PCDH11X: variants seen among roughly 807,000 people sequenced by gnomAD.
PCDH11X encodes the protein protocadherin 11 X-linked.
PCDH11X carries 18 observed loss-of-function variants against 53.3 expected under a neutral mutation model. The ratio of observed to expected loss-of-function variants is 0.34; its 90% CI spans 0.23 to 0.50. The LOEUF is 0.50. PCDH11X is among the 20% of genes least tolerant of loss of function. PCDH11X has a pLI of 0.98. For missense variants in PCDH11X, 570 were observed against 1,032.4 expected, an observed-to-expected ratio of 0.55 and a Z score of 6.14; for synonymous variants, 279 against 393.3, an observed-to-expected ratio of 0.71 and a Z score of 3.44.
intron 10 of PCDH11X, among the ~76,000 whole-genome samples, chrX:92,475,303 A>G (rs2073358984): frequency 9.1e-6 from 1 of 109,881 alleles, no homozygotes; most frequent in Non-Finnish European, 1.9e-5. Context: ...GCTCATTAAC[A>G]TTCTATTCTT....
At chrX:91,793,250 A>G (rs190700294) in intron 1 of PCDH11X, among the ~76,000 whole-genome samples, 1,129 of 108,219 alleles carry the variant, frequency 0.01, 19 homozygotes, top group African/African-American at 0.036. Flanking sequence ...GTCAGAGACA[A>G]TAATAGATCC....
intron 8 of PCDH11X, among the ~76,000 whole-genome samples, chrX:92,270,275 G>T (rs1053028633): frequency 9.1e-6 from 1 of 109,494 alleles, no homozygotes; most frequent in African/African-American, 3.3e-5. Flanking sequence ...CACCAAGCCC[G>T]GCTAGTTGTT....
chrX:92,036,148 C>G (rs1220405580), intron 6 of PCDH11X, among the ~76,000 whole-genome samples: 4 of 95,026 alleles, frequency 4.2e-5, no homozygotes, highest in Non-Finnish European at 8.2e-5. Context: ...CAGGATTGAT[C>G]TGTGATGTTT....
chrX:92,185,541 G>A (rs959778265), intron 6 of PCDH11X, among the ~76,000 whole-genome samples: 3 of 111,470 alleles, frequency 2.7e-5, no homozygotes, highest in Non-Finnish European at 5.7e-5. Flanking sequence ...CTTCTGCAAA[G>A]CAAAAGAAAC....
rs1449467117 is a variant in PCDH11X at position 92,619,907 on chromosome X, G to A, written c.*967G>A. 3 of 108,017 alleles carry A rather than the reference G, an allele frequency of 2.8e-5. No individual in the cohort carries two copies. The highest frequency in any genetic ancestry group is 5.8e-5 in the Non-Finnish European group (3 of 52,170). 8.9% of individuals were successfully genotyped at this position (108,017 alleles called of 1,213,427 possible). On this transcript the variant is annotated 3_prime_UTR_variant, in exon 11 of 11. Coordinates refer to ENST00000682573, the MANE Select transcript of PCDH11X (RefSeq NM_032968.5). Reference sequence around the variant, plus strand: ...ACTACTATTTTGTAGAGAAACTCAGGAAGATTTAAATGTTGATTTGACAGC... The same window carrying A: ...ACTACTATTTTGTAGAGAAACTCAGAAAGATTTAAATGTTGATTTGACAGC...
intron 8 of PCDH11X, among the ~76,000 whole-genome samples, chrX:92,306,049 C>A (rs1241102595): frequency 5.4e-5 from 6 of 111,024 alleles, no homozygotes; most frequent in African/African-American, 1.6e-4. Flanking sequence ...TCTTAAATGG[C>A]TAAAATTATA....
chrX:92,224,360 T>A (rs920704898), intron 7 of PCDH11X, among the ~76,000 whole-genome samples: 1 of 112,006 alleles, frequency 8.9e-6, no homozygotes, highest in African/African-American at 3.2e-5. Context: ...GATTTTTTTT[T>A]AAATAGACTT....
chrX:92,022,305 A>G (rs1478482245), intron 6 of PCDH11X, among the ~76,000 whole-genome samples: 1 of 109,075 alleles, frequency 9.2e-6, no homozygotes, highest in Non-Finnish European at 1.9e-5. Context: ...ACATAGGCTC[A>G]AAATAAAGGG....
At chrX:91,970,128 C>G (rs73537443) in intron 6 of PCDH11X, among the ~76,000 whole-genome samples, 2,948 of 110,822 alleles carry the variant, frequency 0.027, 92 homozygotes, top group African/African-American at 0.091. Flanking sequence ...GCTGGCTTCA[C>G]GAATGAAGCC....
chrX:92,331,333 C>CTTCTTCTTCTTCTTCTTCTTCTTCTT (rs1300857539), intron 8 of PCDH11X, among the ~76,000 whole-genome samples: 16 of 84,909 alleles, frequency 1.9e-4, no homozygotes, highest in South Asian at 6.9e-4. Context: ...TCTTCTTCTT[C>CTTCTTCTTCTTCTTCTTCTTCTTCTT]CTTCCTTCCT....
At position 92,381,733 on chromosome X, in the gene PCDH11X, A is replaced by G. The variant is rs1182213128; in HGVS notation, c.3145-6002A>G. Among the ~76,000 whole-genome samples, 3 of 111,849 alleles carry G rather than the reference A, an allele frequency of 2.7e-5. No individual in the cohort carries two copies. In the East Asian group the frequency reaches 8.4e-4, roughly 31 times the overall value. ...TGTTTAAAATGTATTAATTAAACAG[A>G]CATGTTGTGTAACTATGGCAAAGGG... On this transcript the variant is annotated intron_variant, in intron 8 of 10. Coordinates refer to ENST00000682573, the MANE Select transcript of PCDH11X (RefSeq NM_032968.5).
At chrX:92,162,433 C>T (rs1221123820) in intron 6 of PCDH11X, among the ~76,000 whole-genome samples, 1 of 110,845 alleles carries the variant, frequency 9.0e-6, no homozygotes, top group East Asian at 2.9e-4. Context: ...CTCAGATGAT[C>T]TGCCTCCCTC....
rs1275765565 is a variant in PCDH11X, at chrX:91,836,018, G to A, written c.514G>A (p.Gly172Arg). ...TGTTGATCCTGACGTAGGAATAAAC[G>A]GAGTTCAAAACTACGAACTAATTAA... The part of the protein sequence containing the change: ...AAVDPDVGIN[G>R]VQNYELIKSQ... Residue 172 changes from glycine to arginine, a missense_variant, in exon 5 of 11, where the codon GGA becomes AGA. Around this residue, in one of 6 missense-constraint regions of PCDH11X, gnomAD observed 84 missense variants for 142.0 expected, o/e 0.59. Coordinates refer to ENST00000682573, the MANE Select transcript of PCDH11X (RefSeq NM_032968.5). The A allele has an allele frequency of 6.6e-6, 8 of 1,210,844 alleles. No individual in the cohort carries two copies. The highest frequency in any genetic ancestry group is 5.9e-5 in the East Asian group (2 of 33,804).
chrX:92,469,753 G>A (rs1328732195), intron 10 of PCDH11X, among the ~76,000 whole-genome samples: 14 of 110,803 alleles, frequency 1.3e-4, no homozygotes, highest in African/African-American at 2.9e-4. Flanking sequence ...ATTCTGTTCC[G>A]TTGGCCTATA....
In PCDH11X at chrX:91,906,449, C is replaced by A. The variant is rs769616232; in HGVS notation, c.3033+27176C>A. On this transcript the variant is annotated intron_variant, in intron 6 of 10. Transcript: ENST00000682573. ...CCTTGTATTTGATCAACGTCTAGACCAGAGATTCACAACACTGGCTGTGCA... is the reference window on the plus strand; with the variant it reads ...CCTTGTATTTGATCAACGTCTAGACAAGAGATTCACAACACTGGCTGTGCA... Among the ~76,000 whole-genome samples the A allele has an allele frequency of 7.8e-3, 846 of 108,812 alleles. 10 individuals are homozygous for A. The highest frequency in any genetic ancestry group is 0.027 in the African/African-American group (818 of 29,863). The allele number at this position is 108,812 out of a possible 115,157, so 94.5% of individuals were successfully genotyped here. A position where few individuals can be genotyped will look rare whatever the true frequency, so the allele number is the denominator to read the frequency against.
At chrX:92,536,555 T>G (rs2074661981) in intron 10 of PCDH11X, among the ~76,000 whole-genome samples, 1 of 110,646 alleles carries the variant, frequency 9.0e-6, no homozygotes, top group South Asian at 3.8e-4. Context: ...CCATATTGTT[T>G]ATAATAATTT....
intron 10 of PCDH11X, among the ~76,000 whole-genome samples, chrX:92,582,368 C>G (rs1254403949): frequency 9.0e-6 from 1 of 110,645 alleles, no homozygotes; most frequent in Admixed American, 9.7e-5. Context: ...GCTGCTCTAG[C>G]CATCGCTAAA....
chrX:92,249,000 G>A (rs1215439280), intron 7 of PCDH11X, among the ~76,000 whole-genome samples: 1 of 111,132 alleles, frequency 9.0e-6, no homozygotes, highest in East Asian at 2.8e-4. Flanking sequence ...CACTGTGCCC[G>A]GCCAGTAATT....
intron 6 of PCDH11X, among the ~76,000 whole-genome samples, chrX:91,954,300 T>C (rs2061682037): frequency 9.0e-6 from 1 of 111,558 alleles, no homozygotes; most frequent in South Asian, 3.8e-4. Flanking sequence ...CATTCCTTTT[T>C]ATGGCTGCAT....
Sources: gnomAD v4.1 joint callset for allele counts (sites outside exome capture counted in the v4.1 genomes callset) on GRCh38, gnomAD v4.1.1 for gene constraint, gnomAD v4.1.1 regional missense constraint, MANE v1.5 for transcripts, NCBI Gene and HGNC (gene_info 2026-07-23, HGNC 2026-07-21) for gene names.